The following CCSER1 variants were observed in gnomAD, a reference collection of about 807,000 sequenced individuals.
The protein encoded by CCSER1 is coiled-coil serine rich protein 1, also known as serine-rich coiled-coil domain-containing protein 1.
CCSER1 carries 41 observed loss-of-function variants against 82.0 expected under a neutral mutation model. The ratio of observed to expected loss-of-function variants is 0.50; its 90% CI spans 0.39 to 0.65. The LOEUF is 0.65. CCSER1 is among the 30% of genes least tolerant of loss of function. CCSER1 has a pLI of 0.00. For missense variants in CCSER1, 1,119 were observed against 1,064.2 expected, an observed-to-expected ratio of 1.05 and a Z score of -0.72; for synonymous variants, 414 against 383.9, an observed-to-expected ratio of 1.08 and a Z score of -0.92.
chr4:90,365,719 A>T (rs1746169924), intron 3 of CCSER1, among the ~76,000 whole-genome samples: 1 of 151,912 alleles, frequency 6.6e-6, no homozygotes, highest in African/African-American at 2.4e-5. Context: ...CTGTGAATAA[A>T]GTCTGAGTGA....
At chr4:90,386,969 T>C (rs34872353) in intron 3 of CCSER1, among the ~76,000 whole-genome samples, 6 of 152,196 alleles carry the variant, frequency 3.9e-5, no homozygotes, top group Admixed American at 3.9e-4. Flanking sequence ...TTGTTTATTG[T>C]CTAGGTTAGG....
chr4:91,423,151 C>T (rs1179881458), intron 10 of CCSER1, among the ~76,000 whole-genome samples: 4 of 151,796 alleles, frequency 2.6e-5, no homozygotes. Context: ...TCTGGCCTGG[C>T]GCTGTGGCTC....
chr4:91,511,689 G>A (rs1759833671), intron 10 of CCSER1, among the ~76,000 whole-genome samples: 1 of 152,062 alleles, frequency 6.6e-6, no homozygotes, highest in African/African-American at 2.4e-5. Flanking sequence ...AGGAATCTAG[G>A]TTGCATGCTC....
At chr4:90,359,209 G>T (rs1744866207) in intron 3 of CCSER1, among the ~76,000 whole-genome samples, 2 of 152,110 alleles carry the variant, frequency 1.3e-5, no homozygotes, top group Admixed American at 6.5e-5. Context: ...AGAGACTATT[G>T]TTAGTCCACA....
chr4:90,664,291 A>ATG (rs1731329022), intron 6 of CCSER1, among the ~76,000 whole-genome samples: 2 of 152,162 alleles, frequency 1.3e-5, no homozygotes, highest in African/African-American at 4.8e-5. Flanking sequence ...TCAAAATGGG[A>ATG]CTTAATGTAA....
intron 1 of CCSER1, among the ~76,000 whole-genome samples, chr4:90,146,520 G>A (rs953298389): frequency 6.6e-6 from 1 of 151,840 alleles, no homozygotes; most frequent in Non-Finnish European, 1.5e-5. Flanking sequence ...GCTTGTACTC[G>A]GTTCAAAGAG....
chr4:91,402,044 C>T (rs1419862463), intron 10 of CCSER1, among the ~76,000 whole-genome samples: 3 of 152,200 alleles, frequency 2.0e-5, no homozygotes, highest in African/African-American at 7.2e-5. Context: ...TATTTCTCCA[C>T]ATCCTCTCCA....
chr4:90,854,876 C>T (rs1336854420), intron 8 of CCSER1, among the ~76,000 whole-genome samples: 2 of 152,096 alleles, frequency 1.3e-5, no homozygotes, highest in African/African-American at 4.8e-5. Flanking sequence ...TTAATTGACT[C>T]ACAGTTCCAC....
At chr4:91,279,551 T>C (rs1742751060) in intron 10 of CCSER1, among the ~76,000 whole-genome samples, 1 of 152,124 alleles carries the variant, frequency 6.6e-6, no homozygotes, top group African/African-American at 2.4e-5. Context: ...GAGCATTTTG[T>C]ATTTCATTCA....
At chr4:91,429,825 TG>T (rs1384682452) in intron 10 of CCSER1, among the ~76,000 whole-genome samples, 1 of 151,902 alleles carries the variant, frequency 6.6e-6, no homozygotes, top group African/African-American at 2.4e-5. Flanking sequence ...CTCAGTTACG[TG>T]TTTTTTTCCT....
In CCSER1 at chr4:90,805,372, G is replaced by T. The variant is rs555007825; in HGVS notation, c.2011-10390G>T. Among the ~76,000 whole-genome samples the T allele has an allele frequency of 4.6e-4, 70 of 152,292 alleles. 1 individual carries two copies. The highest frequency in any genetic ancestry group is 7.3e-5 in the Non-Finnish European group (5 of 68,032). Reference sequence around the variant, plus strand: ...ATGTTGGGTGTCCTTTGGGAGCTCAGTGAAGCTGTCAGTGGAAGCGCCATG... The same window carrying T: ...ATGTTGGGTGTCCTTTGGGAGCTCATTGAAGCTGTCAGTGGAAGCGCCATG... On this transcript the variant is annotated intron_variant, in intron 7 of 10. Coordinates refer to ENST00000509176, the MANE Select transcript of CCSER1 (RefSeq NM_001145065.2).
chr4:90,203,601 G>T (rs1738179545), intron 1 of CCSER1, among the ~76,000 whole-genome samples: 1 of 152,160 alleles, frequency 6.6e-6, no homozygotes, highest in African/African-American at 2.4e-5. Flanking sequence ...ATCATTGATG[G>T]GCATTTGAGT....
intron 10 of CCSER1, among the ~76,000 whole-genome samples, chr4:91,225,557 A>T (rs1249326808): frequency 1.3e-5 from 2 of 151,302 alleles, no homozygotes; most frequent in Non-Finnish European, 3.0e-5. Context: ...TAAACAGATT[A>T]TTCAATTTTA....
intron 1 of CCSER1, among the ~76,000 whole-genome samples, chr4:90,206,619 T>C (rs1000467298): frequency 2.0e-5 from 3 of 152,094 alleles, no homozygotes; most frequent in Non-Finnish European, 4.4e-5. Context: ...TCCAATTATT[T>C]GGTCAATTTT....
chr4:91,594,418 T>TACAC (rs1486119783), intron 10 of CCSER1, among the ~76,000 whole-genome samples: 56 of 147,624 alleles, frequency 3.8e-4, no homozygotes, highest in African/African-American at 1.2e-3. Flanking sequence ...TACACATATA[T>TACAC]ATACATATAT....
intron 5 of CCSER1, among the ~76,000 whole-genome samples, chr4:90,616,536 T>G (rs960699073): frequency 1.3e-5 from 2 of 151,734 alleles, no homozygotes; most frequent in African/African-American, 4.8e-5. Context: ...TATAAAAAAA[T>G]TAGTCGGGTG....
At chr4:91,381,331 C>T (rs1750874236) in intron 10 of CCSER1, among the ~76,000 whole-genome samples, 1 of 152,136 alleles carries the variant, frequency 6.6e-6, no homozygotes. Flanking sequence ...GGATAATATC[C>T]TGCAGAGTGT....
intron 10 of CCSER1, among the ~76,000 whole-genome samples, chr4:91,340,517 G>C (rs927170373): frequency 6.6e-6 from 1 of 152,040 alleles, no homozygotes; most frequent in Non-Finnish European, 1.5e-5. Flanking sequence ...TGATTTATGG[G>C]CTTTTTTGTT....
chr4:90,491,711 G>C (rs1366093846), intron 5 of CCSER1, among the ~76,000 whole-genome samples: 1 of 152,214 alleles, frequency 6.6e-6, no homozygotes, highest in East Asian at 1.9e-4. Flanking sequence ...AATTTATTGA[G>C]CGTTTTTAGC....
Sources: gnomAD v4.1 joint callset for allele counts (sites outside exome capture counted in the v4.1 genomes callset) on GRCh38, gnomAD v4.1.1 for gene constraint, MANE v1.5 for transcripts, NCBI Gene and HGNC (gene_info 2026-07-23, HGNC 2026-07-21) for gene names.